The following CRIM1 variants were observed in gnomAD, a reference collection of about 807,000 sequenced individuals.
CRIM1 encodes the protein cysteine rich transmembrane BMP regulator 1.
Under a neutral mutation model 116.4 loss-of-function variants are expected in CRIM1, and 32 were observed. That is an observed-to-expected ratio of 0.27 (90% confidence interval 0.21 to 0.37). The LOEUF (loss-of-function observed/expected upper bound fraction) is 0.37. Ranked by LOEUF, CRIM1 falls within the 10% of genes least tolerant of loss-of-function variation. The pLI, the probability that CRIM1 is intolerant of heterozygous loss-of-function variation, is 1.00. For missense variants in CRIM1, 1,331 were observed against 1,354.8 expected, an observed-to-expected ratio of 0.98 and a Z score of 0.28; for synonymous variants, 590 against 509.2, an observed-to-expected ratio of 1.16 and a Z score of -2.13.
intron 1 of CRIM1, among the ~76,000 whole-genome samples, chr2:36,372,210 A>G (rs1421738392): frequency 6.6e-6 from 1 of 152,176 alleles, no homozygotes; most frequent in Non-Finnish European, 1.5e-5. Flanking sequence ...AATGCCTCAC[A>G]ATGGTTCGAG....
At chr2:36,445,287 A>G (rs561760898) in intron 4 of CRIM1, among the ~76,000 whole-genome samples, 2 of 152,008 alleles carry the variant, frequency 1.3e-5, no homozygotes, top group African/African-American at 2.4e-5. Flanking sequence ...ATGGTGCGGT[A>G]CTCCTCAATC....
chr2:36,435,857 G>T (rs770409473), intron 2 of CRIM1, among the ~76,000 whole-genome samples: 1 of 150,562 alleles, frequency 6.6e-6, no homozygotes, highest in Admixed American at 6.6e-5. Context: ...ATGAAACCAG[G>T]TTATTTTTCC....
At chr2:36,525,738 T>A (rs1665714239) in intron 13 of CRIM1, among the ~76,000 whole-genome samples, 1 of 152,150 alleles carries the variant, frequency 6.6e-6, no homozygotes, top group Non-Finnish European at 1.5e-5. Context: ...CTTCCATGGA[T>A]GAATGTTCTC....
chr2:36,455,801 C>T (rs978189696), intron 4 of CRIM1, among the ~76,000 whole-genome samples: 25 of 151,986 alleles, frequency 1.6e-4, no homozygotes, highest in East Asian at 5.8e-4. Flanking sequence ...GTGATATGTT[C>T]GGAGGATGGG....
chr2:36,452,764 A>G (rs1676836703), intron 4 of CRIM1, among the ~76,000 whole-genome samples: 1 of 152,136 alleles, frequency 6.6e-6, no homozygotes, highest in Non-Finnish European at 1.5e-5. Context: ...ACAAGCAGGG[A>G]AGGCTCTCAG....
chr2:36,427,179 T>C (rs1299442694), intron 2 of CRIM1, among the ~76,000 whole-genome samples: 96 of 150,320 alleles, frequency 6.4e-4, no homozygotes, highest in African/African-American at 2.3e-3. Flanking sequence ...CCAGCCTGGG[T>C]GACAGAGTGA....
chr2:36,372,749 G>A (rs879235235), intron 1 of CRIM1, among the ~76,000 whole-genome samples: 3 of 152,148 alleles, frequency 2.0e-5, no homozygotes, highest in Admixed American at 2.0e-4. Context: ...TAATGTTAGT[G>A]TATGGTTGGT....
intron 8 of CRIM1, among the ~76,000 whole-genome samples, chr2:36,503,040 A>T (rs970004446): frequency 1.3e-5 from 2 of 152,264 alleles, no homozygotes; most frequent in African/African-American, 4.8e-5. Flanking sequence ...AGAAGTCTAG[A>T]CATACAGCAT....
At chr2:36,386,113 T>A (rs1389094777) in intron 1 of CRIM1, among the ~76,000 whole-genome samples, 1 of 152,234 alleles carries the variant, frequency 6.6e-6, no homozygotes, top group Non-Finnish European at 1.5e-5. Context: ...TCTTCTGGTT[T>A]ACTCTTGGTG....
intron 1 of CRIM1, among the ~76,000 whole-genome samples, chr2:36,388,526 G>A (rs1027315916): frequency 5.9e-5 from 9 of 152,144 alleles, no homozygotes; most frequent in Non-Finnish European, 1.2e-4. Context: ...TCCATTCTAT[G>A]TCCTTTTTGT....
chr2:36,387,518 AC>A (rs1671254876), intron 1 of CRIM1, among the ~76,000 whole-genome samples: 1 of 152,176 alleles, frequency 6.6e-6, no homozygotes, highest in Admixed American at 6.5e-5. Flanking sequence ...AGGGGAGAAG[AC>A]CTGAGATTTT....
intron 8 of CRIM1, among the ~76,000 whole-genome samples, chr2:36,500,412 A>T (rs1420437075): frequency 6.6e-6 from 1 of 152,188 alleles, no homozygotes; most frequent in Non-Finnish European, 1.5e-5. Context: ...CTTGAATTGC[A>T]CTTCGTTGGC....
At chr2:36,364,482 C>T (rs1271722146) in intron 1 of CRIM1, among the ~76,000 whole-genome samples, 1 of 152,192 alleles carries the variant, frequency 6.6e-6, no homozygotes, top group African/African-American at 2.4e-5. Context: ...AAATGCCAAG[C>T]ATGTCAGGAG....
chr2:36,405,971 A>G lies in CRIM1; in HGVS notation c.505+9184A>G, dbSNP rs190937889. Among the ~76,000 whole-genome samples, 537 of 152,300 alleles carry G rather than the reference A, an allele frequency of 3.5e-3. 3 individuals are homozygous for G. The highest frequency in any genetic ancestry group is 0.012 in the African/African-American group (511 of 41,574). The stretch of plus-strand genomic sequence containing the variant: ...TAGAGTTGATCCTTTTCATAGGTTT[A>G]CCCATTTGGTCTTTGCTAAACTTTA... On this transcript the variant is annotated intron_variant, in intron 2 of 16. Coordinates refer to ENST00000280527, the MANE Select transcript of CRIM1 (RefSeq NM_016441.3).
intron 2 of CRIM1, among the ~76,000 whole-genome samples, chr2:36,404,588 C>T (rs1474417254): frequency 1.3e-5 from 2 of 152,208 alleles, no homozygotes; most frequent in South Asian, 2.1e-4. Context: ...TGTGCCACTA[C>T]ACCTCAGATT....
chr2:36,549,844 TATATATAC>T lies in CRIM1; in HGVS notation c.*1151_*1158del, dbSNP rs1667623532. 2.0e-5 allele frequency: 3 copies of T among 151,574 alleles called. No individual in the cohort carries two copies. The South Asian group carries it at 6.2e-4, about 31-fold the overall frequency. 9.4% of individuals were successfully genotyped at this position (151,574 alleles called of 1,614,324 possible). ...TTTGTGTGCATGTGTATATAATATA[TATATATAC>T]ATATATATTTATACACATACAATTT... On this transcript the variant is annotated 3_prime_UTR_variant, in exon 17 of 17. Coordinates refer to ENST00000280527, the MANE Select transcript of CRIM1 (RefSeq NM_016441.3).
intron 2 of CRIM1, among the ~76,000 whole-genome samples, chr2:36,421,297 T>C (rs1572693791): frequency 6.6e-6 from 1 of 152,322 alleles, no homozygotes; most frequent in East Asian, 1.9e-4. Flanking sequence ...TTAAATGATG[T>C]CATGAAACAA....
intron 1 of CRIM1, among the ~76,000 whole-genome samples, chr2:36,390,019 A>T (rs1212526878): frequency 2.6e-5 from 4 of 152,184 alleles, no homozygotes; most frequent in African/African-American, 7.2e-5. Context: ...TGCCCTCAGG[A>T]TGGAAACTTC....
At chr2:36,410,461 T>C (rs1223802690) in intron 2 of CRIM1, among the ~76,000 whole-genome samples, 1 of 152,190 alleles carries the variant, frequency 6.6e-6, no homozygotes, top group Non-Finnish European at 1.5e-5. Context: ...GGAAAGCTGT[T>C]TATATAAGTA....
Sources: gnomAD v4.1 joint callset for allele counts (sites outside exome capture counted in the v4.1 genomes callset) on GRCh38, gnomAD v4.1.1 for gene constraint, MANE v1.5 for transcripts, NCBI Gene and HGNC (gene_info 2026-07-23, HGNC 2026-07-21) for gene names.